ETFA: variants seen among roughly 807,000 people sequenced by gnomAD.
ETFA encodes the protein electron transfer flavoprotein subunit alpha, also known as electron transfer flavoprotein subunit alpha, mitochondrial.
A neutral mutation model predicts 46.2 loss-of-function variants in ETFA; 22 were observed. That is an observed-to-expected ratio of 0.48 (90% CI 0.34 to 0.68). The LOEUF (loss-of-function observed/expected upper bound fraction) is 0.68, where lower values mean the gene tolerates loss of function less well. Ranked by LOEUF, ETFA falls within the 30% of genes least tolerant of loss-of-function variation. ETFA has a pLI of 0.01. For synonymous variants in ETFA, 131 were observed against 139.9 expected (o/e 0.94, Z 0.45); for missense variants, 345 against 401.1 (o/e 0.86, Z 1.19).
chr15:76,271,498 G>A (rs2039530428), intron 9 of ETFA, among the ~76,000 whole-genome samples: 1 of 152,158 alleles, frequency 6.6e-6, no homozygotes, highest in African/African-American at 2.4e-5. Flanking sequence ...ATGAAGTGAA[G>A]GTAAGACTGT....
chr15:76,224,850 TG>T lies in ETFA; in HGVS notation c.963+998del, dbSNP rs374493765. Among the ~76,000 whole-genome samples, 82 of 152,314 alleles carry T rather than the reference TG, an allele frequency of 5.4e-4. No individual in the cohort carries two copies. In the South Asian group the frequency reaches 0.017, roughly 31 times the overall value. Reference sequence around the variant, plus strand: ...GAAAAAGAAGAGACCAGGCCACGCATGAGTCATGACCTTTAAATGTAGCCAA... The same window carrying T: ...GAAAAAGAAGAGACCAGGCCACGCATAGTCATGACCTTTAAATGTAGCCAA... On this transcript the variant is annotated intron_variant, in intron 11 of 11. Coordinates refer to ENST00000557943, the MANE Select transcript of ETFA (RefSeq NM_000126.4).
At chr15:76,309,217 A>C (rs937978349) in intron 1 of ETFA, among the ~76,000 whole-genome samples, 1 of 152,210 alleles carries the variant, frequency 6.6e-6, no homozygotes, top group Non-Finnish European at 1.5e-5. Flanking sequence ...TGGGAGGCCA[A>C]GGCGGGCGGA....
At chr15:76,280,205 A>G (rs1184130888) in intron 8 of ETFA, among the ~76,000 whole-genome samples, 1 of 152,054 alleles carries the variant, frequency 6.6e-6, no homozygotes, top group East Asian at 1.9e-4. Flanking sequence ...TCCTATACCA[A>G]CTGCTTAACT....
chr15:76,246,253 CTG>C (rs1271132345), intron 9 of ETFA, among the ~76,000 whole-genome samples: 1 of 152,144 alleles, frequency 6.6e-6, no homozygotes, highest in African/African-American at 2.4e-5. Flanking sequence ...GTTGAGAAAA[CTG>C]TGCTACAGAG....
At chr15:76,216,727 T>C (rs1345768311) in intron 11 of ETFA, 130 bp from the exon 12 acceptor site, 1 of 651,808 alleles carries the variant, frequency 1.5e-6, no homozygotes, top group Non-Finnish European at 2.8e-6. Context: ...GGCCCCCTCC[T>C]CTCCACCAGG....
intron 11 of ETFA, among the ~76,000 whole-genome samples, chr15:76,220,264 C>T (rs957739249): frequency 1.2e-4 from 19 of 152,262 alleles, no homozygotes; most frequent in African/African-American, 2.4e-4. Context: ...GATGGGGTTT[C>T]GCCTTGTTGG....
chr15:76,227,003 T>G (rs2039011093), intron 10 of ETFA, among the ~76,000 whole-genome samples: 1 of 152,212 alleles, frequency 6.6e-6, no homozygotes, highest in Non-Finnish European at 1.5e-5. Context: ...TTAAACAGCT[T>G]TAAGTCCTTA....
chr15:76,232,704 T>C (rs2039081577), intron 9 of ETFA, among the ~76,000 whole-genome samples: 1 of 152,234 alleles, frequency 6.6e-6, no homozygotes, highest in Admixed American at 6.5e-5. Context: ...TAATTGTATA[T>C]GGCCACATAC....
intron 9 of ETFA, chr15:76,260,080 G>A: frequency 2.0e-6 from 3 of 1,500,416 alleles, no homozygotes; most frequent in Non-Finnish European, 2.8e-6. Context: ...TTTCACAAAG[G>A]AGCCATCCTC....
At chr15:76,281,897 C>T (rs1468070089) in intron 8 of ETFA, among the ~76,000 whole-genome samples, 1 of 78,092 alleles carries the variant, frequency 1.3e-5, no homozygotes, top group African/African-American at 5.1e-5. Flanking sequence ...TACACGTATC[C>T]TTTTTTTTTT....
chr15:76,282,186 G>A (rs769137608), intron 8 of ETFA, among the ~76,000 whole-genome samples: 1 of 151,798 alleles, frequency 6.6e-6, no homozygotes, highest in Non-Finnish European at 1.5e-5. Flanking sequence ...TTACAGGTAT[G>A]AGCCACCACG....
chr15:76,274,780 T>G (rs1218023102), intron 8 of ETFA, among the ~76,000 whole-genome samples: 1 of 152,214 alleles, frequency 6.6e-6, no homozygotes, highest in Non-Finnish European at 1.5e-5. Flanking sequence ...TCACAAGTTT[T>G]GAAGAAAGGT....
intron 9 of ETFA, among the ~76,000 whole-genome samples, chr15:76,233,068 G>A: frequency 6.6e-6 from 1 of 152,184 alleles, no homozygotes; most frequent in East Asian, 1.9e-4. Context: ...AAAGCCTGAA[G>A]ACAAGAACAA....
intron 9 of ETFA, among the ~76,000 whole-genome samples, chr15:76,236,110 T>A (rs1450814326): frequency 6.6e-6 from 1 of 152,198 alleles, no homozygotes; most frequent in Non-Finnish European, 1.5e-5. Flanking sequence ...CACTCCTGCT[T>A]TACCCAAAAC....
intron 9 of ETFA, among the ~76,000 whole-genome samples, chr15:76,234,637 G>A (rs1178693733): frequency 6.6e-6 from 1 of 152,164 alleles, no homozygotes; most frequent in African/African-American, 2.4e-5. Flanking sequence ...GATAGGCCTC[G>A]TGGCTTTAGA....
intron 9 of ETFA, among the ~76,000 whole-genome samples, chr15:76,253,546 C>T (rs1296669602): frequency 6.6e-6 from 1 of 151,832 alleles, no homozygotes; most frequent in African/African-American, 2.4e-5. Flanking sequence ...AAGTAGAAAA[C>T]GAAATCAAGC....
At chr15:76,277,606 G>T (rs1237444882) in intron 8 of ETFA, among the ~76,000 whole-genome samples, 1 of 152,116 alleles carries the variant, frequency 6.6e-6, no homozygotes, top group Non-Finnish European at 1.5e-5. Context: ...GGATTCAAGC[G>T]ATTCTTCTGC....
At position 76,225,866 on chromosome 15, in the gene ETFA, C is replaced by A. The variant is rs1567195832; in HGVS notation, c.946G>T (p.Val316Phe). Residue 316 changes from valine to phenylalanine, a missense_variant, in exon 11 of 12, where the codon GTT becomes TTT. Transcript: ENST00000557943. ...PIFQVADYGI[V>F]ADLFKVVPEM... ...CAGCTTACCTTAAATAAATCTGCAA[C>A]TATTCCATAATCTGCCACTTGGAAA... is the stretch of plus-strand genomic sequence containing the variant. 6.2e-7 allele frequency: 1 copy of A among 1,607,746 alleles called. No individual in the cohort carries two copies. The highest frequency in any genetic ancestry group is 2.2e-5 in the East Asian group (1 of 44,764).
At chr15:76,269,537 C>T (rs979562288) in intron 9 of ETFA, among the ~76,000 whole-genome samples, 7 of 152,180 alleles carry the variant, frequency 4.6e-5, no homozygotes, top group African/African-American at 1.2e-4. Context: ...GCATGGCCTC[C>T]CAGAGCTTGG....
Sources: allele counts gnomAD v4.1 joint callset (sites outside exome capture counted in the v4.1 genomes callset), GRCh38; gene constraint gnomAD v4.1.1; transcripts MANE v1.5; gene names NCBI Gene and HGNC (gene_info 2026-07-23, HGNC 2026-07-21).